Variants in HYCC1 observed in about 807,000 individuals in gnomAD.
The protein encoded by HYCC1 is hyccin PI4KA lipid kinase complex subunit 1.
chr7:22,945,693 C>T, the HYCC1 span: 1 of 1,613,756 alleles, frequency 6.2e-7, no homozygotes, highest in African/African-American at 1.3e-5. Flanking sequence ...AGCTTTTCTT[C>T]TTGGAGACTA....
chr7:22,951,461 A>G, the HYCC1 span, among the ~76,000 whole-genome samples: 1 of 151,948 alleles, frequency 6.6e-6, no homozygotes, highest in Non-Finnish European at 1.5e-5. Context: ...TGTCTGCATC[A>G]TACAATTTTT....
At chr7:22,989,270 A>C in the HYCC1 span, among the ~76,000 whole-genome samples, 1 of 150,902 alleles carries the variant, frequency 6.6e-6, no homozygotes, top group Non-Finnish European at 1.5e-5. Context: ...AATCACAAAG[A>C]TAACACAAGC....
the HYCC1 span, among the ~76,000 whole-genome samples, chr7:22,903,391 A>G: frequency 1.3e-5 from 2 of 152,214 alleles, no homozygotes; most frequent in Non-Finnish European, 2.9e-5. Flanking sequence ...AATTATAACT[A>G]TAGATTCAAC....
At chr7:22,938,269 C>G in the HYCC1 span, 46 of 152,332 alleles carry the variant, frequency 3.0e-4, no homozygotes, top group African/African-American at 1.0e-3. Context: ...GTTTCTCAAA[C>G]AACAGTTGAC....
chr7:22,956,202 T>C, the HYCC1 span, among the ~76,000 whole-genome samples: 1 of 151,936 alleles, frequency 6.6e-6, no homozygotes, highest in East Asian at 1.9e-4. Context: ...TGAAAATCTA[T>C]GTTTGAAAAA....
At chr7:22,975,248 A>C in the HYCC1 span, among the ~76,000 whole-genome samples, 1 of 152,186 alleles carries the variant, frequency 6.6e-6, no homozygotes, top group African/African-American at 2.4e-5. Context: ...CATTCACATT[A>C]CCAAAAATTT....
chr7:22,909,745 T>G, the HYCC1 span, among the ~76,000 whole-genome samples: 1 of 152,168 alleles, frequency 6.6e-6, no homozygotes, highest in Non-Finnish European at 1.5e-5. Context: ...CGGACCCTTC[T>G]CTCCCTTACT....
the HYCC1 span, among the ~76,000 whole-genome samples, chr7:22,994,546 T>C: frequency 1.3e-5 from 2 of 152,244 alleles, no homozygotes; most frequent in South Asian, 2.1e-4. Context: ...ATGTATATTA[T>C]ACATTAGTAA....
chr7:22,947,115 T>A, the HYCC1 span: 2 of 1,550,552 alleles, frequency 1.3e-6, no homozygotes. Flanking sequence ...CTGTATATGC[T>A]GAGCATCAAT....
the HYCC1 span, among the ~76,000 whole-genome samples, chr7:22,933,503 G>A: frequency 6.6e-6 from 1 of 151,932 alleles, no homozygotes; most frequent in Admixed American, 6.6e-5. Flanking sequence ...CTCTTAGATG[G>A]TTGCTGTTTG....
chr7:22,922,019 C>A, the HYCC1 span, among the ~76,000 whole-genome samples: 4 of 152,016 alleles, frequency 2.6e-5, 1 homozygote, highest in South Asian at 6.2e-4. Context: ...AAATGTTTCT[C>A]TAGACAATAT....
At chr7:23,010,860 C>T in the HYCC1 span, among the ~76,000 whole-genome samples, 1 of 152,234 alleles carries the variant, frequency 6.6e-6, no homozygotes, top group South Asian at 2.1e-4. Context: ...CTATCATTTT[C>T]TCCCTTCTTT....
At chr7:22,971,677 CAAAA>C in the HYCC1 span, among the ~76,000 whole-genome samples, 2 of 91,918 alleles carry the variant, frequency 2.2e-5, no homozygotes, top group Non-Finnish European at 2.2e-5. Context: ...CCCCATCTCA[CAAAA>C]AAAAAAAAAA....
the HYCC1 span, among the ~76,000 whole-genome samples, chr7:23,012,225 G>C: frequency 6.6e-6 from 1 of 152,012 alleles, no homozygotes; most frequent in South Asian, 2.1e-4. Context: ...ATAAATATTA[G>C]GCAACAGGAT....
At chr7:22,930,109 G>A in the HYCC1 span, among the ~76,000 whole-genome samples, 2 of 145,952 alleles carry the variant, frequency 1.4e-5, no homozygotes, top group South Asian at 4.3e-4. Context: ...ACCAAACACT[G>A]CATGTTCTCA....
At chr7:23,002,173 T>A in the HYCC1 span, among the ~76,000 whole-genome samples, 1 of 35,426 alleles carries the variant, frequency 2.8e-5, no homozygotes, top group Non-Finnish European at 6.0e-5. Flanking sequence ...TATATATATA[T>A]ATACATATAG....
the HYCC1 span, among the ~76,000 whole-genome samples, chr7:22,897,196 G>C: frequency 1.3e-5 from 2 of 152,212 alleles, no homozygotes; most frequent in Non-Finnish European, 2.9e-5. Flanking sequence ...AGAACGACAA[G>C]CTGGTGTGCT....
At chr7:22,928,363 G>A in the HYCC1 span, among the ~76,000 whole-genome samples, 1 of 152,224 alleles carries the variant, frequency 6.6e-6, no homozygotes, top group East Asian at 1.9e-4. Flanking sequence ...AGGAAATAAA[G>A]GGCACTCAAT....
At chr7:22,909,954 G>A in the HYCC1 span, among the ~76,000 whole-genome samples, 1 of 152,202 alleles carries the variant, frequency 6.6e-6, no homozygotes. Flanking sequence ...GCTTCACACA[G>A]AGTAGGCCTT....
Sources: allele counts gnomAD v4.1 joint callset (sites outside exome capture counted in the v4.1 genomes callset), GRCh38; gene constraint gnomAD v4.1.1; transcripts MANE v1.5; gene names NCBI Gene and HGNC (gene_info 2026-07-23, HGNC 2026-07-21).